The following ZNF462 variants were observed in gnomAD, a reference collection of about 807,000 sequenced individuals.
ZNF462 encodes the protein zinc finger PBX1-interacting protein.
A neutral mutation model predicts 201.9 loss-of-function variants in ZNF462; 10 were observed. That is an observed-to-expected ratio of 0.05 (90% CI 0.03 to 0.08). ZNF462 has a LOEUF of 0.08. Among genes scored for constraint, ZNF462 ranks in the 10% least tolerant of loss-of-function variants. The probability of loss-of-function intolerance (pLI) is 1.00; values close to 1 mark genes in which losing one functional copy is unlikely to be tolerated. For synonymous variants in ZNF462, 1,227 were observed against 1,193.3 expected (o/e 1.03, Z -0.58); for missense variants, 2,523 against 3,168.3 (o/e 0.80, Z 4.89).
intron 1 of ZNF462, among the ~76,000 whole-genome samples, chr9:106,882,752 A>G (rs1418085818): frequency 6.6e-6 from 1 of 152,180 alleles, no homozygotes; most frequent in Non-Finnish European, 1.5e-5. Flanking sequence ...TTCTGGAGGA[A>G]ACTCATTTGC....
chr9:106,921,185 A>C (rs1464288740), intron 1 of ZNF462, among the ~76,000 whole-genome samples: 2 of 152,160 alleles, frequency 1.3e-5, no homozygotes, highest in African/African-American at 4.8e-5. Context: ...CCCCCACTGC[A>C]CCCCTAAATC....
chr9:106,884,209 A>C (rs1828222460), intron 1 of ZNF462, among the ~76,000 whole-genome samples: 1 of 152,156 alleles, frequency 6.6e-6, no homozygotes, highest in Non-Finnish European at 1.5e-5. Flanking sequence ...GGAGCCTAGA[A>C]TGTTTATTCT....
chr9:106,903,510 G>A (rs912054369), intron 1 of ZNF462, among the ~76,000 whole-genome samples: 3 of 152,102 alleles, frequency 2.0e-5, no homozygotes, highest in African/African-American at 4.8e-5. Flanking sequence ...GACCTGTCTA[G>A]TACTGTCAGT....
At position 106,926,999 on chromosome 9, in the gene ZNF462, T is replaced by G; in HGVS notation, c.3087T>G (p.Val1029=). The G allele has an allele frequency of 6.2e-7, 1 of 1,614,186 alleles. No homozygotes were observed. Among genetic ancestry groups the G allele is most frequent in the Non-Finnish European group, 8.5e-7 (1 of 1,180,034 alleles). ...ACCCTTTGGTCAACACTGTTGTTGT[T>G]TATGATTGTGATGTTTGTTCGTTTG... is the stretch of plus-strand genomic sequence containing the variant. ...QKDPLVNTVV[V]YDCDVCSFAS... is the part of the protein sequence containing the mutation. The change falls in exon 3 of 13, where the codon GTT becomes GTG. Residue 1029 remains valine (V), a synonymous_variant. Transcript: ENST00000277225. This position sits in a 1 kb window ranked among gnomAD's most constrained non-coding sequence, Gnocchi z 7.9.
chr9:106,963,312 G>C lies in ZNF462; in HGVS notation c.6428-8693G>C, dbSNP rs1831923974. On this transcript the variant is annotated intron_variant, in intron 7 of 12. Coordinates refer to ENST00000277225, the MANE Select transcript of ZNF462 (RefSeq NM_021224.6). This position sits in a 1 kb window ranked among gnomAD's most constrained non-coding sequence, Gnocchi z 4.7. ...GTCTGAGAATCATCTTGATAGCTCT[G>C]TGTTACACACTGTTTTAATAACTTA... Among the ~76,000 whole-genome samples, 1 of 152,052 alleles carries C rather than the reference G, an allele frequency of 6.6e-6. No homozygotes were observed. Among genetic ancestry groups the C allele is most frequent in the Non-Finnish European group, 1.5e-5 (1 of 67,976 alleles).
chr9:106,905,717 A>C lies in ZNF462; in HGVS notation c.-30-17637A>C, dbSNP rs892098570. Among the ~76,000 whole-genome samples, 2 of 152,122 alleles carry C rather than the reference A, an allele frequency of 1.3e-5. No homozygotes were observed. Among genetic ancestry groups the C allele is most frequent in the African/African-American group, 4.8e-5 (2 of 41,422 alleles). The stretch of plus-strand genomic sequence containing the variant: ...GGGAAGTGGGGGAAAGCCAGCAGTC[A>C]TGAAGGGCTGGTCTCACTCTCACCG... On this transcript the variant is annotated intron_variant, in intron 1 of 12. Transcript: ENST00000277225. The surrounding 1 kb of genome is among the most constrained non-coding windows in gnomAD (Gnocchi z 5.9).
In ZNF462 at chr9:106,932,565, G is replaced by C; in HGVS notation, c.6116+16G>C. 3.1e-6 allele frequency: 5 copies of C among 1,614,198 alleles called. No individual in the cohort carries two copies. Among genetic ancestry groups the C allele is most frequent in the Non-Finnish European group, 4.2e-6 (5 of 1,180,042 alleles). ...TCAGGCACAAGTAAGTGCTATTGGG[G>C]GGTCACTAGTGGTTACTGGGAGATG... On this transcript the variant is annotated intron_variant, in intron 5 of 12. Transcript: ENST00000277225. The surrounding 1 kb of genome is among the most constrained non-coding windows in gnomAD (Gnocchi z 6.8).
chr9:106,998,233 C>T (rs920465937), intron 10 of ZNF462, among the ~76,000 whole-genome samples: 3 of 152,128 alleles, frequency 2.0e-5, no homozygotes, highest in African/African-American at 4.8e-5. Flanking sequence ...GTTAAAAATT[C>T]TGGAAACATT....
Position 106,928,070 on chromosome 9 carries a change from T to A in ZNF462, c.4158T>A (p.Asn1386Lys), listed in dbSNP as rs773352174. The A allele has an allele frequency of 6.2e-7, 1 of 1,614,092 alleles. No individual in the cohort carries two copies. The highest frequency in any genetic ancestry group is 2.2e-5 in the East Asian group (1 of 44,870). Residue 1386 changes from asparagine to lysine, a missense_variant, in exon 3 of 13, where the codon AAT (asparagine) becomes AAA (lysine). Transcript: ENST00000277225. The surrounding 1 kb of genome is among the most constrained non-coding windows in gnomAD (Gnocchi z 9.3). ...FEAVSIWDIT[N>K]HYQAFHPWAM... ...CTGTTTCCATCTGGGACATCACTAA[T>A]CACTACCAAGCATTCCACCCCTGGG...
intron 7 of ZNF462, among the ~76,000 whole-genome samples, chr9:106,944,972 G>T (rs1831040726): frequency 1.3e-5 from 2 of 152,096 alleles, no homozygotes; most frequent in Non-Finnish European, 2.9e-5. Context: ...ACATGGCTGT[G>T]TTCCAATAAA....
chr9:106,997,478 A>G (rs1314045894), intron 10 of ZNF462, among the ~76,000 whole-genome samples: 1 of 152,212 alleles, frequency 6.6e-6, no homozygotes, highest in Non-Finnish European at 1.5e-5. Context: ...ATAAACACAC[A>G]ATGGAATATT....
chr9:106,967,564 A>T (rs886486525), intron 7 of ZNF462, among the ~76,000 whole-genome samples: 61 of 152,152 alleles, frequency 4.0e-4, no homozygotes, highest in African/African-American at 1.4e-3. Flanking sequence ...AGGACATCCC[A>T]TTTAGAATTC....
chr9:106,860,858 G>A (rs1827047008), upstream of ZNF462, among the ~76,000 whole-genome samples: 2 of 152,052 alleles, frequency 1.3e-5, no homozygotes, highest in Non-Finnish European at 2.9e-5. The surrounding 1 kb of genome is among the most constrained non-coding windows in gnomAD (Gnocchi z 7.1). Flanking sequence ...CCGGGCACTC[G>A]GAAGGGGGAG....
intron 1 of ZNF462, among the ~76,000 whole-genome samples, chr9:106,922,194 G>T (rs1009420661): frequency 2.6e-5 from 4 of 152,148 alleles, no homozygotes; most frequent in African/African-American, 9.7e-5. Context: ...TTGGACATCT[G>T]GTTCTAGATT....
upstream of ZNF462, among the ~76,000 whole-genome samples, chr9:106,862,568 C>T (rs966191743): frequency 1.3e-5 from 2 of 148,804 alleles, no homozygotes; most frequent in Non-Finnish European, 2.9e-5. This position sits in a 1 kb window ranked among gnomAD's most constrained non-coding sequence, Gnocchi z 4.2. Flanking sequence ...GCCTCCTTCT[C>T]CTCCTCTTCC....
At position 106,885,753 on chromosome 9, in the gene ZNF462, C is replaced by A. The variant is rs574205773; in HGVS notation, c.-31+22398C>A. The stretch of plus-strand genomic sequence containing the variant: ...TGCAGAGCTCATGCTACCATCAAGA[C>A]TTTAGAACAAGGACAACTTGAAGTG... On this transcript the variant is annotated intron_variant, in intron 1 of 12. Transcript: ENST00000277225. This position sits in a 1 kb window ranked among gnomAD's most constrained non-coding sequence, Gnocchi z 4.1. Among the ~76,000 whole-genome samples, 1 of 152,180 alleles carries A rather than the reference C, an allele frequency of 6.6e-6. No individual in the cohort carries two copies. The highest frequency in any genetic ancestry group is 2.4e-5 in the African/African-American group (1 of 41,450).
rs1829798717 is a variant in ZNF462 at position 107,009,524 on chromosome 9, A to G, written c.7190-21A>G. ...CTGATTCCCACAGCACACAGGTAAC[A>G]CTTCTGCTTTCTCTTTGCAGAGCTG... On this transcript the variant is annotated intron_variant, in intron 11 of 12. Coordinates refer to ENST00000277225, the MANE Select transcript of ZNF462 (RefSeq NM_021224.6). This position sits in a 1 kb window ranked among gnomAD's most constrained non-coding sequence, Gnocchi z 6.1. 1 of 1,613,540 alleles carries G rather than the reference A, an allele frequency of 6.2e-7. No homozygotes were observed. Among genetic ancestry groups the G allele is most frequent in the Admixed American group, 1.7e-5 (1 of 59,944 alleles).
Position 107,003,821 on chromosome 9 carries a change from G to T in ZNF462, c.7189+395G>T, listed in dbSNP as rs958732254. Among the ~76,000 whole-genome samples, 13 of 152,010 alleles carry T rather than the reference G, an allele frequency of 8.6e-5. No homozygotes were observed. The highest frequency in any genetic ancestry group is 2.9e-4 in the African/African-American group (12 of 41,406). ...AATGCATATTTAAAATTGCTGCTGG[G>T]GCACACACTGCTGGAACTGTAGGGG... On this transcript the variant is annotated intron_variant, in intron 11 of 12. Coordinates refer to ENST00000277225, the MANE Select transcript of ZNF462 (RefSeq NM_021224.6). This position sits in a 1 kb window ranked among gnomAD's most constrained non-coding sequence, Gnocchi z 4.4.
In ZNF462 at chr9:106,943,055, C is replaced by CGT. The variant is rs771634911; in HGVS notation, c.6427+3949_6427+3950insTG. 9.1e-3 allele frequency among the ~76,000 whole-genome samples: 739 copies of CGT among 81,162 alleles called. 6 individuals carry two copies. Among genetic ancestry groups the CGT allele is most frequent in the African/African-American group, 0.03 (562 of 18,652 alleles). The allele number at this position is 81,162 out of a possible 152,430, so 53.2% of individuals were successfully genotyped here. A position where few individuals can be genotyped will look rare whatever the true frequency, so the allele number is the denominator to read the frequency against. On this transcript the variant is annotated intron_variant, in intron 7 of 12. Transcript: ENST00000277225. ...GATGGTAACATAGTTTTGTTTTGCG[C>CGT]GCGCGTGTGTGTGTGTGTGTGTGTG...
Sources: allele counts gnomAD v4.1 joint callset (sites outside exome capture counted in the v4.1 genomes callset), GRCh38; gene constraint gnomAD v4.1.1; non-coding constraint Gnocchi (gnomAD v3.1); transcripts MANE v1.5; gene names NCBI Gene and HGNC (gene_info 2026-07-23, HGNC 2026-07-21).